NALF1: variants seen among roughly 807,000 people sequenced by gnomAD.
NALF1 encodes the protein family with sequence similarity 155 member A.
A neutral mutation model predicts 48.4 loss-of-function variants in NALF1; 3 were observed. That is an observed-to-expected ratio of 0.06 (90% CI 0.03 to 0.16). The LOEUF (loss-of-function observed/expected upper bound fraction) is 0.16, where lower values mean the gene tolerates loss of function less well. Among genes scored for constraint, NALF1 ranks in the 10% least tolerant of loss-of-function variants. The pLI is 1.00. For synonymous variants in NALF1, 262 were observed against 245.7 expected (o/e 1.07, Z -0.62); for missense variants, 526 against 571.5 (o/e 0.92, Z 0.81).
chr13:107,732,420 G>A lies in NALF1; in HGVS notation c.915+133262C>T, dbSNP rs148690785. 7.8e-3 allele frequency among the ~76,000 whole-genome samples: 1,190 copies of A among 152,228 alleles called. 9 individuals carry two copies. The highest frequency in any genetic ancestry group is 0.021 in the African/African-American group (883 of 41,534). ...TTTTCATTTGCTGGAAGTGCAACAT[G>A]AGAACATGAAAAAATGTATTAGTTA... On this transcript the variant is annotated intron_variant, in intron 1 of 2. Transcript: ENST00000375915.
chr13:107,175,661 A>T lies in NALF1; in HGVS notation c.1088-4875T>A, dbSNP rs75862647. Among the ~76,000 whole-genome samples the T allele has an allele frequency of 1.7e-3, 264 of 152,314 alleles. 1 individual carries two copies. Among genetic ancestry groups the T allele is most frequent in the African/African-American group, 5.9e-3 (245 of 41,568 alleles). ...AATGCATTTCTGAATAAGCAAGGAC[A>T]TGCAGCCTTCTAAGGCCATTATTTC... On this transcript the variant is annotated intron_variant, in intron 2 of 2. Coordinates refer to ENST00000375915, the MANE Select transcript of NALF1 (RefSeq NM_001080396.3).
At chr13:107,396,619 C>T (rs914361112) in intron 1 of NALF1, among the ~76,000 whole-genome samples, 4 of 152,188 alleles carry the variant, frequency 2.6e-5, no homozygotes, top group Non-Finnish European at 5.9e-5. Context: ...TGGAAACAAG[C>T]CTTTTAGGCA....
intron 1 of NALF1, among the ~76,000 whole-genome samples, chr13:107,364,117 T>A (rs1883111433): frequency 6.6e-6 from 1 of 152,258 alleles, no homozygotes; most frequent in Admixed American, 6.5e-5. Context: ...AAACAAAAGC[T>A]GCTCAGTACT....
intron 1 of NALF1, among the ~76,000 whole-genome samples, chr13:107,403,504 C>T (rs114268637): frequency 0.022 from 3,380 of 151,598 alleles, 141 homozygotes; most frequent in African/African-American, 0.077. Context: ...TTTATTTGGT[C>T]CTTAAAGTAC....
chr13:107,837,845 T>C (rs1594305574), intron 1 of NALF1, among the ~76,000 whole-genome samples: 1 of 152,256 alleles, frequency 6.6e-6, no homozygotes, highest in East Asian at 1.9e-4. Context: ...CTAAGATCAT[T>C]TGATGGAGGT....
rs191571602 is a variant in NALF1 at position 107,593,847 on chromosome 13, G to A, written c.915+271835C>T. 4.6e-5 allele frequency among the ~76,000 whole-genome samples: 7 copies of A among 150,944 alleles called. No homozygotes were observed. In the Admixed American group the frequency reaches 4.6e-4, roughly 10 times the overall value. ...AAAAAAAAAACAGAAACGGAAACTT[G>A]TATTTGTTTAGAGATTGTCTTGGAT... is the stretch of plus-strand genomic sequence containing the variant. On this transcript the variant is annotated intron_variant, in intron 1 of 2. Coordinates refer to ENST00000375915, the MANE Select transcript of NALF1 (RefSeq NM_001080396.3).
chr13:107,513,055 T>A (rs1875947878), intron 1 of NALF1, among the ~76,000 whole-genome samples: 2 of 152,176 alleles, frequency 1.3e-5, no homozygotes, highest in Non-Finnish European at 1.5e-5. Context: ...AGCCAATATG[T>A]CTTCCAAAAT....
rs548057514 is a variant in NALF1, at chr13:107,531,411, A to G, written c.916-320656T>C. Reference sequence around the variant, plus strand: ...GACTGTTCCTTCTTCACCTTTCACCATGATTGTAAGCTCCTGAGGACTCCC... The same window carrying G: ...GACTGTTCCTTCTTCACCTTTCACCGTGATTGTAAGCTCCTGAGGACTCCC... On this transcript the variant is annotated intron_variant, in intron 1 of 2. Coordinates refer to ENST00000375915, the MANE Select transcript of NALF1 (RefSeq NM_001080396.3). Among the ~76,000 whole-genome samples the G allele has an allele frequency of 2.6e-4, 39 of 152,092 alleles. 1 individual carries two copies. The highest frequency in any genetic ancestry group is 8.9e-4 in the African/African-American group (37 of 41,498).
chr13:107,646,070 C>A (rs940962427), intron 1 of NALF1, among the ~76,000 whole-genome samples: 1 of 152,086 alleles, frequency 6.6e-6, no homozygotes, highest in Non-Finnish European at 1.5e-5. Context: ...GGCTTCCCTG[C>A]TCTTGGTAAC....
chr13:107,720,347 A>G (rs1171916571), intron 1 of NALF1, among the ~76,000 whole-genome samples: 1 of 151,924 alleles, frequency 6.6e-6, no homozygotes, highest in Non-Finnish European at 1.5e-5. Flanking sequence ...CGTCTCTACT[A>G]AAAAAATACA....
At chr13:107,379,758 C>A (rs946716228) in intron 1 of NALF1, among the ~76,000 whole-genome samples, 3 of 152,316 alleles carry the variant, frequency 2.0e-5, no homozygotes, top group Admixed American at 2.0e-4. Flanking sequence ...GCTTCTTATT[C>A]CACACCTGCT....
intron 1 of NALF1, among the ~76,000 whole-genome samples, chr13:107,661,001 A>G (rs531991138): frequency 1.3e-5 from 2 of 152,328 alleles, no homozygotes; most frequent in Admixed American, 1.3e-4. Context: ...TTCATTGCAT[A>G]ATTTTATTTG....
intron 1 of NALF1, among the ~76,000 whole-genome samples, chr13:107,231,250 G>A (rs1328230078): frequency 6.6e-6 from 1 of 152,040 alleles, no homozygotes; most frequent in Non-Finnish European, 1.5e-5. Flanking sequence ...GAAGAAAGAT[G>A]TTCATGTGAG....
At chr13:107,312,162 G>A (rs1188151022) in intron 1 of NALF1, among the ~76,000 whole-genome samples, 2 of 152,132 alleles carry the variant, frequency 1.3e-5, no homozygotes, top group African/African-American at 4.8e-5. Flanking sequence ...GCGAAGACTT[G>A]GAACCAACCC....
rs58213843 is a variant in NALF1, at chr13:107,749,128, TTGTGTGTG to T, written c.915+116546_915+116553del. ...ATGACTCAGACTATAATGTCTATAA[TTGTGTGTG>T]TGTGTGTGTGTGTGTGTGTGTGTGT... On this transcript the variant is annotated intron_variant, in intron 1 of 2. Transcript: ENST00000375915. 2.8e-3 allele frequency among the ~76,000 whole-genome samples: 413 copies of T among 147,412 alleles called. 1 individual carries two copies. Among genetic ancestry groups the T allele is most frequent in the Middle Eastern group, 3.5e-3 (1 of 286 alleles).
intron 1 of NALF1, among the ~76,000 whole-genome samples, chr13:107,744,949 G>A (rs1181569586): frequency 6.6e-6 from 1 of 152,162 alleles, no homozygotes; most frequent in Admixed American, 6.5e-5. Context: ...GACTTTGAGA[G>A]TCCTGAACGT....
rs905272130 is a variant in NALF1 at position 107,210,289 on chromosome 13, AC to A, written c.1087+294del. 7.2e-5 allele frequency among the ~76,000 whole-genome samples: 11 copies of A among 152,168 alleles called. No homozygotes were observed. In the South Asian group the frequency reaches 1.0e-3, roughly 14 times the overall value. The stretch of plus-strand genomic sequence containing the variant: ...GCAATGCAGGCTGAATCTAACCTAT[AC>A]TAGGTCACATGTAAGTATATCTAAT... On this transcript the variant is annotated intron_variant, in intron 2 of 2. Transcript: ENST00000375915.
intron 1 of NALF1, among the ~76,000 whole-genome samples, chr13:107,569,815 C>T (rs562321383): frequency 6.6e-6 from 1 of 152,184 alleles, no homozygotes; most frequent in African/African-American, 2.4e-5. Context: ...TGCCTTAAAC[C>T]TGTCTATCAA....
In NALF1 at chr13:107,723,905, T is replaced by A. The variant is rs1876066359; in HGVS notation, c.915+141777A>T. Among the ~76,000 whole-genome samples the A allele has an allele frequency of 2.0e-5, 3 of 152,364 alleles. No individual in the cohort carries two copies. In the South Asian group the frequency reaches 6.2e-4, roughly 32 times the overall value. On this transcript the variant is annotated intron_variant, in intron 1 of 2. Transcript: ENST00000375915. Reference sequence around the variant, plus strand: ...TGTACAAAGAGCCCAAATATTCTTATATATTGTTATATTTAACAATATTCT... The same window carrying A: ...TGTACAAAGAGCCCAAATATTCTTAAATATTGTTATATTTAACAATATTCT...
Sources: allele counts gnomAD v4.1 joint callset (sites outside exome capture counted in the v4.1 genomes callset), GRCh38; gene constraint gnomAD v4.1.1; transcripts MANE v1.5; gene names NCBI Gene and HGNC (gene_info 2026-07-23, HGNC 2026-07-21).